The following FAM13A variants were observed in gnomAD, a reference collection of about 807,000 sequenced individuals.
FAM13A encodes the protein family with sequence similarity 13 member A.
A neutral mutation model predicts 129.6 loss-of-function variants in FAM13A; 76 were observed. The ratio of observed to expected loss-of-function variants is 0.59; its 90% CI spans 0.49 to 0.71. FAM13A has a LOEUF of 0.71. Ranked by LOEUF, FAM13A falls within the 30% of genes least tolerant of loss-of-function variation. FAM13A has a pLI of 0.00. For synonymous variants in FAM13A, 443 were observed against 449.9 expected (o/e 0.98, Z 0.20); for missense variants, 1,108 against 1,249.3 (o/e 0.89, Z 1.70).
In FAM13A at chr4:88,851,085, A is replaced by G. The variant is rs376942602; in HGVS notation, c.942T>C (p.Tyr314=). Residue 314 remains tyrosine (Y), a synonymous_variant, in exon 7 of 24, where the codon TAT becomes TAC. Coordinates refer to ENST00000264344, the MANE Select transcript of FAM13A (RefSeq NM_014883.4). ...GIPQLSLRLS[Y]RKACLEDMNS... ...TCATGTCTTCCAAGCAGGCTTTTCT[A>G]TAACTTAGCCGCAAGCTGAGCTGAG... 1.3e-4 allele frequency: 210 copies of G among 1,614,072 alleles called. No homozygotes were observed. Among genetic ancestry groups the G allele is most frequent in the Non-Finnish European group, 1.7e-4 (195 of 1,180,006 alleles).
At chr4:88,772,416 C>A (rs1175068812) in intron 11 of FAM13A, among the ~76,000 whole-genome samples, 1 of 152,098 alleles carries the variant, frequency 6.6e-6, no homozygotes, top group Non-Finnish European at 1.5e-5. Flanking sequence ...ACACTTTTTC[C>A]ACCGTAATAA....
chr4:88,747,807 G>A lies in FAM13A; in HGVS notation c.2206C>T (p.Arg736Trp), dbSNP rs778393277. 8 of 1,613,982 alleles carry A rather than the reference G, an allele frequency of 5.0e-6. No individual in the cohort carries two copies. Among genetic ancestry groups the A allele is most frequent in the Admixed American group, 1.7e-5 (1 of 60,022 alleles). ...ISEEDLTPRM[R>W]QRSNTLPKSF... Reference sequence around the variant, plus strand: ...TTGGGGAGTGTGTTGCTTCGCTGCCGCATCCTGGGAGTTAGGTCCTCTTCA... The same window carrying A: ...TTGGGGAGTGTGTTGCTTCGCTGCCACATCCTGGGAGTTAGGTCCTCTTCA... Residue 736 changes from arginine (R) to tryptophan (W), a missense_variant, in exon 18 of 24, where the codon CGG becomes TGG. Coordinates refer to ENST00000264344, the MANE Select transcript of FAM13A (RefSeq NM_014883.4).
intron 2 of FAM13A, among the ~76,000 whole-genome samples, chr4:89,023,733 T>C (rs1048668008): frequency 1.3e-5 from 2 of 152,212 alleles, no homozygotes; most frequent in Non-Finnish European, 2.9e-5. Context: ...TGATAATTCG[T>C]GATGTTCAAC....
chr4:88,974,088 T>C (rs549656871), intron 4 of FAM13A, among the ~76,000 whole-genome samples: 1 of 152,288 alleles, frequency 6.6e-6, no homozygotes, highest in South Asian at 2.1e-4. Flanking sequence ...CATGAAGGGA[T>C]TTTTCTCCAG....
intron 1 of FAM13A, among the ~76,000 whole-genome samples, chr4:89,042,482 G>C (rs534296499): frequency 4.6e-5 from 7 of 152,202 alleles, no homozygotes; most frequent in African/African-American, 1.7e-4. Context: ...ACTCAAAGCA[G>C]TTCGTAGATA....
intron 4 of FAM13A, among the ~76,000 whole-genome samples, chr4:88,948,598 C>A (rs1756353792): frequency 6.6e-6 from 1 of 152,012 alleles, no homozygotes; most frequent in Non-Finnish European, 1.5e-5. Flanking sequence ...AAGCAATTCT[C>A]CCGCCTCGGC....
intron 7 of FAM13A, among the ~76,000 whole-genome samples, chr4:88,805,783 G>A (rs1220755056): frequency 2.0e-5 from 3 of 151,232 alleles, no homozygotes; most frequent in Non-Finnish European, 4.4e-5. Context: ...ATCCTCCCAC[G>A]TCAGCCTCTG....
rs757416303 is a variant in FAM13A, at chr4:88,731,458, T to G, written c.2844-30A>C. On this transcript the variant is annotated intron_variant, in intron 22 of 23. Coordinates refer to ENST00000264344, the MANE Select transcript of FAM13A (RefSeq NM_014883.4). ...GAGAGAGGAAGCATTGCAAGGAAAT[T>G]AAGTTAAATTTGAGTTGTCATAAAT... is the stretch of plus-strand genomic sequence containing the variant. The G allele has an allele frequency of 3.7e-6, 5 of 1,341,420 alleles. No individual in the cohort carries two copies. The South Asian group carries it at 4.9e-5, about 13-fold the overall frequency. The allele number at this position is 1,341,420 out of a possible 1,614,324, so 83.1% of individuals were successfully genotyped here.
chr4:89,029,399 A>T, intron 2 of FAM13A, 61 bp downstream of exon 2: 1 of 1,298,896 alleles, frequency 7.7e-7, no homozygotes, highest in South Asian at 1.3e-5. Flanking sequence ...TAATTCACAC[A>T]AATAATTTGT....
In FAM13A at chr4:88,916,896, AC is replaced by A. The variant is rs1310614825; in HGVS notation, c.760-10435del. 2.0e-5 allele frequency among the ~76,000 whole-genome samples: 3 copies of A among 152,198 alleles called. No homozygotes were observed. In the South Asian group the frequency reaches 6.2e-4, roughly 32 times the overall value. On this transcript the variant is annotated intron_variant, in intron 5 of 23. Transcript: ENST00000264344. ...TCCTTAATTGTTTATTGTCTGTGCC[AC>A]CCCACTAAAAGGTAAAGATGAGAAC...
At chr4:88,953,948 A>C (rs1412864397) in intron 4 of FAM13A, among the ~76,000 whole-genome samples, 1 of 152,216 alleles carries the variant, frequency 6.6e-6, no homozygotes, top group East Asian at 1.9e-4. Flanking sequence ...AAATAACAGG[A>C]CAAGAAACAA....
chr4:88,838,430 T>C (rs1735198045), intron 7 of FAM13A, among the ~76,000 whole-genome samples: 2 of 152,234 alleles, frequency 1.3e-5, no homozygotes, highest in African/African-American at 2.4e-5. Context: ...GGATAATTAA[T>C]GAGTGTAAAA....
chr4:89,008,578 G>A (rs985563132), intron 3 of FAM13A, among the ~76,000 whole-genome samples: 3 of 152,156 alleles, frequency 2.0e-5, no homozygotes, highest in African/African-American at 7.2e-5. Flanking sequence ...AATACAAGCA[G>A]TATAAAATAA....
rs1013487191 is a variant in FAM13A at position 88,933,603 on chromosome 4, C to T, written c.759+4485G>A. Among the ~76,000 whole-genome samples the T allele has an allele frequency of 3.3e-5, 5 of 151,438 alleles. No homozygotes were observed. In the Admixed American group the frequency reaches 3.3e-4, roughly 10 times the overall value. Reference sequence around the variant, plus strand: ...AGCCCCTATTCTTCTAGCTTGCTTGCTCATCTACTTCTGCCTCAAACATTC... The same window carrying T: ...AGCCCCTATTCTTCTAGCTTGCTTGTTCATCTACTTCTGCCTCAAACATTC... On this transcript the variant is annotated intron_variant, in intron 5 of 23. Transcript: ENST00000264344.
At chr4:88,932,422 G>C (rs1391232501) in intron 5 of FAM13A, among the ~76,000 whole-genome samples, 1 of 152,154 alleles carries the variant, frequency 6.6e-6, no homozygotes, top group Non-Finnish European at 1.5e-5. Context: ...CACTGAGTTT[G>C]TTTGTTTCTT....
intron 6 of FAM13A, among the ~76,000 whole-genome samples, chr4:88,852,621 G>A (rs1737793286): frequency 6.6e-6 from 1 of 152,096 alleles, no homozygotes; most frequent in Non-Finnish European, 1.5e-5. Context: ...AGAGATCATA[G>A]TCTCCTCCTA....
At chr4:88,771,715 G>C (rs1190441430) in intron 11 of FAM13A, among the ~76,000 whole-genome samples, 1 of 152,136 alleles carries the variant, frequency 6.6e-6, no homozygotes, top group East Asian at 1.9e-4. Context: ...TAATAAAGTT[G>C]CTTCTTGTAT....
intron 11 of FAM13A, among the ~76,000 whole-genome samples, chr4:88,772,435 G>T (rs1164855877): frequency 2.6e-5 from 4 of 152,180 alleles, no homozygotes; most frequent in African/African-American, 9.7e-5. Flanking sequence ...AAAGTAGCTA[G>T]ATGTCCAGCA....
intron 4 of FAM13A, chr4:88,989,735 G>A (rs749629914): frequency 6.6e-6 from 1 of 152,062 alleles, no homozygotes; most frequent in Non-Finnish European, 1.5e-5. Flanking sequence ...TGACTACCTG[G>A]AGCAGATTAC....
Sources: gnomAD v4.1 joint callset for allele counts (sites outside exome capture counted in the v4.1 genomes callset) on GRCh38, gnomAD v4.1.1 for gene constraint, MANE v1.5 for transcripts, NCBI Gene and HGNC (gene_info 2026-07-23, HGNC 2026-07-21) for gene names.